The following ANO3 variants were observed in gnomAD, a reference collection of about 807,000 sequenced individuals.
ANO3 encodes the protein anoctamin-3.
ANO3 carries 99 observed loss-of-function variants against 144.8 expected under a neutral mutation model. That is an observed-to-expected ratio of 0.68 (90% confidence interval 0.58 to 0.81). The LOEUF (loss-of-function observed/expected upper bound fraction) is 0.81, where lower values mean the gene tolerates loss of function less well. ANO3 is among the 30% of genes least tolerant of loss of function. The pLI, the probability that ANO3 is intolerant of heterozygous loss-of-function variation, is 0.00. For synonymous variants in ANO3, 414 were observed against 392.6 expected (o/e 1.05, Z -0.64); for missense variants, 905 against 1,202.2 (o/e 0.75, Z 3.66).
chr11:26,591,525 G>A (rs1253050600), intron 14 of ANO3, among the ~76,000 whole-genome samples: 3 of 152,168 alleles, frequency 2.0e-5, no homozygotes, highest in African/African-American at 7.2e-5. Flanking sequence ...CTGAAGTGCA[G>A]GGGTATATGG....
intron 1 of ANO3, among the ~76,000 whole-genome samples, chr11:26,250,754 T>C (rs943688361): frequency 2.6e-5 from 4 of 152,208 alleles, no homozygotes; most frequent in African/African-American, 7.2e-5. Context: ...TGAGTCTCTT[T>C]CCAAATTTTG....
intron 1 of ANO3, among the ~76,000 whole-genome samples, chr11:26,225,167 G>A (rs532844927): frequency 6.6e-5 from 10 of 151,784 alleles, no homozygotes; most frequent in Non-Finnish European, 1.0e-4. Flanking sequence ...AGTAAGTGGC[G>A]GAAAAAAATA....
intron 4 of ANO3, among the ~76,000 whole-genome samples, chr11:26,463,351 CAG>C (rs1254597077): frequency 1.3e-5 from 2 of 151,840 alleles, no homozygotes; most frequent in Non-Finnish European, 2.9e-5. Flanking sequence ...ATATCTCAAA[CAG>C]AATGTTTAAA....
chr11:26,436,661 G>A (rs1316453654), intron 1 of ANO3, among the ~76,000 whole-genome samples: 2 of 151,780 alleles, frequency 1.3e-5, no homozygotes, highest in Admixed American at 1.3e-4. Flanking sequence ...GCATAACAAA[G>A]CAGTCTGGCC....
intron 1 of ANO3, among the ~76,000 whole-genome samples, chr11:26,400,340 G>A (rs1749734892): frequency 6.6e-6 from 1 of 151,998 alleles, no homozygotes; most frequent in African/African-American, 2.4e-5. Flanking sequence ...AGGTCCCTGT[G>A]TATGGGGCAT....
chr11:26,389,713 T>C (rs887500107), intron 1 of ANO3, among the ~76,000 whole-genome samples: 1 of 152,228 alleles, frequency 6.6e-6, no homozygotes, highest in Non-Finnish European at 1.5e-5. Context: ...AAGTTGAATA[T>C]CTCAAGTTAC....
At chr11:26,563,741 A>G (rs1305152546) in intron 14 of ANO3, among the ~76,000 whole-genome samples, 1 of 151,920 alleles carries the variant, frequency 6.6e-6, no homozygotes, top group Non-Finnish European at 1.5e-5. Context: ...AAGTCACTAC[A>G]AGGAAAAATC....
In ANO3 at chr11:26,593,197, G is replaced by A. The variant is rs545441483; in HGVS notation, c.1448-5168G>A. 3.0e-4 allele frequency among the ~76,000 whole-genome samples: 46 copies of A among 152,256 alleles called. No homozygotes were observed. In the South Asian group the frequency reaches 9.1e-3, roughly 30 times the overall value. ...CCTTTCTCTCCATATTGCTGCGTGG[G>A]CATAGGGGACTAGGTAAGCATACTT... is the stretch of plus-strand genomic sequence containing the variant. On this transcript the variant is annotated intron_variant, in intron 14 of 26. Coordinates refer to ENST00000256737, the MANE Select transcript of ANO3 (RefSeq NM_031418.4).
intron 4 of ANO3, among the ~76,000 whole-genome samples, chr11:26,468,524 G>T (rs1269815579): frequency 6.6e-6 from 1 of 151,930 alleles, no homozygotes; most frequent in African/African-American, 2.4e-5. Flanking sequence ...TTATCTCAAT[G>T]AGTATTAGAA....
chr11:26,375,418 T>A (rs1030122549), intron 1 of ANO3, among the ~76,000 whole-genome samples: 1 of 152,188 alleles, frequency 6.6e-6, no homozygotes, highest in Non-Finnish European at 1.5e-5. Context: ...ACTGGTAGAT[T>A]ATATAGTTAT....
At chr11:26,291,079 G>T (rs1407303878) in intron 1 of ANO3, among the ~76,000 whole-genome samples, 1 of 152,160 alleles carries the variant, frequency 6.6e-6, no homozygotes, top group Non-Finnish European at 1.5e-5. Context: ...CTTGCTTTAT[G>T]AATCTGGGTG....
upstream of ANO3, among the ~76,000 whole-genome samples, chr11:26,329,070 T>A (rs771028674): frequency 6.6e-6 from 1 of 152,102 alleles, no homozygotes. Flanking sequence ...AGAAAAATGT[T>A]TGAAGCTAAA....
chr11:26,436,333 G>A (rs1324474188), intron 1 of ANO3, among the ~76,000 whole-genome samples: 1 of 152,288 alleles, frequency 6.6e-6, no homozygotes, highest in Admixed American at 6.5e-5. Flanking sequence ...TGGCTCAAAA[G>A]TCCCAGCAGG....
intron 4 of ANO3, among the ~76,000 whole-genome samples, chr11:26,498,370 C>A (rs192252121): frequency 8.5e-4 from 129 of 151,426 alleles, no homozygotes; most frequent in African/African-American, 3.0e-3. Flanking sequence ...TATTATTATT[C>A]CTATTATATT....
At chr11:26,298,164 A>G (rs2133860100) in intron 1 of ANO3, among the ~76,000 whole-genome samples, 1 of 152,328 alleles carries the variant, frequency 6.6e-6, no homozygotes, top group South Asian at 2.1e-4. Flanking sequence ...AAGCTGGAAA[A>G]TAGGACTTAG....
intron 1 of ANO3, among the ~76,000 whole-genome samples, chr11:26,319,661 T>TA: frequency 6.6e-6 from 1 of 152,304 alleles, no homozygotes; most frequent in African/African-American, 2.4e-5. Flanking sequence ...ACATATCCTA[T>TA]AAAAATAGGT....
At chr11:26,472,051 C>T (rs1859803082) in intron 4 of ANO3, among the ~76,000 whole-genome samples, 1 of 151,880 alleles carries the variant, frequency 6.6e-6, no homozygotes, top group Non-Finnish European at 1.5e-5. Context: ...AAAGTAAATT[C>T]AATAAATTAA....
At chr11:26,531,452 C>G (rs367823052) in intron 8 of ANO3, 116 bp downstream of exon 8, 6 of 1,211,090 alleles carry the variant, frequency 5.0e-6, no homozygotes, top group African/African-American at 4.6e-5. Context: ...GAGAACTTAT[C>G]ATTGTATTAA....
At chr11:26,256,230 A>C (rs887762644) in intron 1 of ANO3, among the ~76,000 whole-genome samples, 2 of 152,162 alleles carry the variant, frequency 1.3e-5, no homozygotes, top group African/African-American at 4.8e-5. Flanking sequence ...ATTATACCAT[A>C]TGAAACTGTA....
Sources: gnomAD v4.1 joint callset for allele counts (sites outside exome capture counted in the v4.1 genomes callset) on GRCh38, gnomAD v4.1.1 for gene constraint, MANE v1.5 for transcripts, NCBI Gene and HGNC (gene_info 2026-07-23, HGNC 2026-07-21) for gene names.